The following IGSF9 variants were observed in gnomAD, a reference collection of about 807,000 sequenced individuals.
IGSF9 encodes protein turtle homolog A.
IGSF9 carries 87 observed loss-of-function variants against 121.7 expected under a neutral mutation model. That is an observed-to-expected ratio of 0.71 (90% CI 0.60 to 0.85). IGSF9 has a LOEUF of 0.85. IGSF9 is among the 40% of genes least tolerant of loss of function. IGSF9 has a pLI of 0.00. For synonymous variants in IGSF9, 640 were observed against 648.4 expected, an observed-to-expected ratio of 0.99 and a Z score of 0.20; for missense variants, 1,462 against 1,565.3, an observed-to-expected ratio of 0.93 and a Z score of 1.11.
rs1650818263 is a variant in IGSF9 at position 159,928,241 on chromosome 1, G to A, written c.3147C>T (p.Ser1049=). 6.2e-7 allele frequency: 1 copy of A among 1,613,178 alleles called. No homozygotes were observed. Among genetic ancestry groups the A allele is most frequent in the Non-Finnish European group, 8.5e-7 (1 of 1,179,906 alleles). ...AGCTGCTGGTGTCTCCTGGAGCAGG[G>A]CTGAGGTAGCTGCCTCCTGCAGAGG... ...TAPSAGGSYL[S]PAPGDTSSWA... The change falls in exon 19 of 21, where the codon AGC becomes AGT. Residue 1049 remains serine, a synonymous_variant. Transcript: ENST00000368094.
chr1:159,936,550 C>T (rs202062910), intron 5 of IGSF9, 34 bp from the exon 6 acceptor site: 64 of 1,597,734 alleles, frequency 4.0e-5, no homozygotes, highest in Non-Finnish European at 4.1e-5. Flanking sequence ...GAGTCCTTTC[C>T]CCTGCCAGCC....
rs1239637820 is a variant in IGSF9 at position 159,928,256 on chromosome 1, T to A, written c.3132A>T (p.Gly1044=). 2.5e-6 allele frequency: 4 copies of A among 1,613,182 alleles called. No individual in the cohort carries two copies. Among genetic ancestry groups the A allele is most frequent in the Non-Finnish European group, 3.4e-6 (4 of 1,179,876 alleles). Residue 1044 remains glycine (G), a synonymous_variant, in exon 19 of 21, where the codon GGA becomes GGT. Coordinates refer to ENST00000368094, the MANE Select transcript of IGSF9 (RefSeq NM_001135050.2). Reference sequence around the variant, plus strand: ...CTGGAGCAGGGCTGAGGTAGCTGCCTCCTGCAGAGGGGGCTGTGGAGGGGG... The same window carrying A: ...CTGGAGCAGGGCTGAGGTAGCTGCCACCTGCAGAGGGGGCTGTGGAGGGGG... ...LRPPSTAPSA[G]GSYLSPAPGD... is the part of the protein sequence containing the mutation.
chr1:159,932,627 T>C lies in IGSF9; in HGVS notation c.1130A>G (p.Glu377Gly). 1.2e-6 allele frequency: 2 copies of C among 1,613,316 alleles called. No homozygotes were observed. The highest frequency in any genetic ancestry group is 1.7e-6 in the Non-Finnish European group (2 of 1,179,458). ...DKFPGWSQGT[E>G]GSLIIALGNE... ...CCCCAGGGCGATGATCAGTGAGCCT[T>C]CTGTGCCCTGGGACCAGCCAGGGAA... The change falls in exon 10 of 21, where the codon GAA becomes GGA. Residue 377 changes from glutamate to glycine, a missense_variant. Glu to Gly is a moderately conservative substitution (Grantham distance 98). Around this residue, in one of 3 missense-constraint regions of IGSF9, gnomAD observed 558 missense variants for 599.4 expected, o/e 0.93. Coordinates refer to ENST00000368094, the MANE Select transcript of IGSF9 (RefSeq NM_001135050.2). The surrounding 1 kb of genome is among the most constrained non-coding windows in gnomAD (Gnocchi z 4.1).
chr1:159,936,504 T>C lies in IGSF9; in HGVS notation c.568A>G (p.Thr190Ala). 1 of 1,613,930 alleles carries C rather than the reference T, an allele frequency of 6.2e-7. No homozygotes were observed. Among genetic ancestry groups the C allele is most frequent in the Non-Finnish European group, 8.5e-7 (1 of 1,179,940 alleles). ...GQGQVQVQNGTLRIRRVERGS... is the reference protein window; with the variant it reads ...GQGQVQVQNGALRIRRVERGS... ...CGCTCTACCCGGCGGATCCGCAGCG[T>C]CCCGTTCTGCACCTAGGGAAGGAGT... The change falls in exon 6 of 21, where the codon ACG becomes GCG. Residue 190 changes from threonine to alanine, a missense_variant. By Grantham distance (58) the Thr-to-Ala change is moderately conservative. This residue lies in a region of IGSF9 where 558 missense variants were observed against 599.4 expected (regional missense o/e 0.93). Transcript: ENST00000368094.
In IGSF9 at chr1:159,927,095, CACAG is replaced by C. The variant is rs1290399767; in HGVS notation, c.*246_*249del. 0.014 allele frequency: 6,331 copies of C among 442,724 alleles called. 12 individuals are homozygous for C. The highest frequency in any genetic ancestry group is 0.02 in the East Asian group (429 of 21,958). The allele number at this position is 442,724 out of a possible 1,614,324, so 27.4% of individuals were successfully genotyped here. ...AAAACTTCACACACACACACACACA[CACAG>C]AGAGAGAGAGAGAGAGAGAGAGAGA... On this transcript the variant is annotated 3_prime_UTR_variant, in exon 21 of 21. Coordinates refer to ENST00000368094, the MANE Select transcript of IGSF9 (RefSeq NM_001135050.2).
chr1:159,930,742 T>C lies in IGSF9; in HGVS notation c.1763A>G (p.Asn588Ser), dbSNP rs1441599281. The C allele has an allele frequency of 1.9e-6, 3 of 1,614,136 alleles. 1 individual carries two copies. The South Asian group carries it at 3.3e-5, about 18-fold the overall frequency. Residue 588 changes from asparagine (N) to serine (S), a missense_variant, in exon 14 of 21, where the codon AAC becomes AGC. Asn to Ser is a conservative substitution (Grantham distance 46). Coordinates refer to ENST00000368094, the MANE Select transcript of IGSF9 (RefSeq NM_001135050.2). ...GCTGAAGGGACCACTCCCCAGCTTGTTCTGAGCTAGCACGCTGAACTGGTA... is the reference window on the plus strand; with the variant it reads ...GCTGAAGGGACCACTCCCCAGCTTGCTCTGAGCTAGCACGCTGAACTGGTA... ...TQYQFSVLAQ[N>S]KLGSGPFSEI...
At position 159,931,313 on chromosome 1, in the gene IGSF9, G is replaced by A; in HGVS notation, c.1514-52C>T. 1 of 1,610,432 alleles carries A rather than the reference G, an allele frequency of 6.2e-7. No individual in the cohort carries two copies. The highest frequency in any genetic ancestry group is 2.2e-5 in the East Asian group (1 of 44,780). On this transcript the variant is annotated intron_variant, in intron 12 of 20. Coordinates refer to ENST00000368094, the MANE Select transcript of IGSF9 (RefSeq NM_001135050.2). This position sits in a 1 kb window ranked among gnomAD's most constrained non-coding sequence, Gnocchi z 4.8. Reference sequence around the variant, plus strand: ...TGGTCAGGGCCTGAGGGAGTGTACAGAGTAGCAGGGGCCCCAGGGCCACTG... The same window carrying A: ...TGGTCAGGGCCTGAGGGAGTGTACAAAGTAGCAGGGGCCCCAGGGCCACTG...
Position 159,937,825 on chromosome 1 carries a change from C to T in IGSF9, c.261G>A (p.Leu87=), listed in dbSNP as rs1269219820. 2 of 1,613,860 alleles carry T rather than the reference C, an allele frequency of 1.2e-6. No homozygotes were observed. The highest frequency in any genetic ancestry group is 1.7e-6 in the Non-Finnish European group (2 of 1,179,848). Residue 87 remains leucine (L), a synonymous_variant, in exon 4 of 21, where the codon CTG becomes CTA. Transcript: ENST00000368094. ...CAATCTGGAGAGAGGCCCCCTTCTGCAGCCGGACTCGTCCTGGGGGAGGAG... is the reference window on the plus strand; with the variant it reads ...CAATCTGGAGAGAGGCCCCCTTCTGTAGCCGGACTCGTCCTGGGGGAGGAG... ...IDPDYVGRVR[L]QKGASLQIEG... is the part of the protein sequence containing the mutation.
In IGSF9 at chr1:159,927,277, A is replaced by G; in HGVS notation, c.*68T>C. 6.3e-7 allele frequency: 1 copy of G among 1,585,062 alleles called. No homozygotes were observed. The highest frequency in any genetic ancestry group is 8.6e-7 in the Non-Finnish European group (1 of 1,156,644). ...AGGGGCAGTGCCCTCGTTTGAAACT[A>G]GGTCTGTCTGGTTGGGGGCCTCCTT... On this transcript the variant is annotated 3_prime_UTR_variant, in exon 21 of 21. Transcript: ENST00000368094.
chr1:159,927,860 A>T lies in IGSF9; in HGVS notation c.3258T>A (p.Tyr1086Ter), dbSNP rs1197157994. The stretch of plus-strand genomic sequence containing the variant: ...CCCCAGGGAATTCTGAGTCCCACTC[A>T]TAGTTCTCGTCCACAGATGTGTTCC... ...KRRNTSVDEN[Y>*]EWDSEFPGDM... Residue 1086 changes from tyrosine (Y) to a stop codon, truncating the protein, a stop_gained, in exon 20 of 21, where the codon TAT becomes TAA. Coordinates refer to ENST00000368094, the MANE Select transcript of IGSF9 (RefSeq NM_001135050.2). LOFTEE classifies it high-confidence loss of function. 8.1e-6 allele frequency: 13 copies of T among 1,612,280 alleles called. No individual in the cohort carries two copies. The East Asian group carries it at 2.7e-4, about 33-fold the overall frequency.
chr1:159,936,619 CAAACA>C, intron 5 of IGSF9, 103 bp from the exon 6 acceptor site: 1 of 1,518,456 alleles, frequency 6.6e-7, no homozygotes. Flanking sequence ...AGGCTCGGGG[CAAACA>C]ATGCCAAGCC....
intron 3 of IGSF9, 145 bp downstream of exon 3, chr1:159,942,818 T>C: frequency 4.6e-6 from 3 of 646,932 alleles, no homozygotes. Context: ...AGCACAGCCA[T>C]GCTTATTAAG....
chr1:159,943,759 G>A (rs562630020), intron 1 of IGSF9, 131 bp from the exon 2 acceptor site: 107 of 342,102 alleles, frequency 3.1e-4, no homozygotes, highest in African/African-American at 2.0e-3. Context: ...TAGGGGGAAG[G>A]GGGGGATCTT....
At position 159,928,923 on chromosome 1, in the gene IGSF9, T is replaced by TC; in HGVS notation, c.2464dup (p.Asp822GlyfsTer15). ...GTGGGGGCTGGGAGTTCCGGCAGGA[T>TC]CCCCCCAGAGCAGACTCTGGCGCAG... On this transcript the variant is annotated frameshift_variant, in exon 19 of 21. Coordinates refer to ENST00000368094, the MANE Select transcript of IGSF9 (RefSeq NM_001135050.2). LOFTEE classifies it high-confidence loss of function. 6.3e-7 allele frequency: 1 copy of TC among 1,584,252 alleles called. No homozygotes were observed. The highest frequency in any genetic ancestry group is 8.6e-7 in the Non-Finnish European group (1 of 1,166,680).
In IGSF9 at chr1:159,934,598, T is replaced by C. The variant is rs746445139; in HGVS notation, c.816-28A>G. The C allele has an allele frequency of 5.0e-6, 8 of 1,613,144 alleles. No homozygotes were observed. In the South Asian group the frequency reaches 8.8e-5, roughly 18 times the overall value. ...GCAATGTGGCATGTGTGAGGAGGGG[T>C]CCAGGCCTTGCCCAGCCAAGCGGCT... On this transcript the variant is annotated intron_variant, in intron 7 of 20. Coordinates refer to ENST00000368094, the MANE Select transcript of IGSF9 (RefSeq NM_001135050.2).
In IGSF9 at chr1:159,936,802, C is replaced by T. The variant is rs774526159; in HGVS notation, c.507G>A (p.Thr169=). The T allele has an allele frequency of 5.0e-6, 8 of 1,614,088 alleles. No individual in the cohort carries two copies. Among genetic ancestry groups the T allele is most frequent in the East Asian group, 4.5e-5 (2 of 44,886 alleles). Residue 169 remains threonine (T), a synonymous_variant, in exon 5 of 21, where the codon ACG becomes ACA. Coordinates refer to ENST00000368094, the MANE Select transcript of IGSF9 (RefSeq NM_001135050.2). ...VARGSPLPHV[T]WKLRGKDLGQ... ...CAAGGTCCTTTCCTCGGAGCTTCCACGTCACATGAGGCAGGGGGCTGCCAC... is the reference window on the plus strand; with the variant it reads ...CAAGGTCCTTTCCTCGGAGCTTCCATGTCACATGAGGCAGGGGGCTGCCAC...
Position 159,928,994 on chromosome 1 carries a change from A to G in IGSF9, c.2394T>C (p.Pro798=). 1 of 1,520,370 alleles carries G rather than the reference A, an allele frequency of 6.6e-7. No individual in the cohort carries two copies. The highest frequency in any genetic ancestry group is 8.8e-7 in the Non-Finnish European group (1 of 1,135,568). 94.2% of individuals were successfully genotyped at this position (1,520,370 alleles called of 1,614,324 possible). The change falls in exon 19 of 21, where the codon CCT becomes CCC. Residue 798 remains proline (P), a synonymous_variant. Coordinates refer to ENST00000368094, the MANE Select transcript of IGSF9 (RefSeq NM_001135050.2). ...GGAGCTTCAGCTTCGCCACGCTGTCAGGACTGCCTGAGCCCAGAGCAGAGC... is the reference window on the plus strand; with the variant it reads ...GGAGCTTCAGCTTCGCCACGCTGTCGGGACTGCCTGAGCCCAGAGCAGAGC... ...AAPSALGSGS[P]DSVAKLKLQG...
rs1008736075 is a variant in IGSF9, at chr1:159,930,173, C to G, written c.2064+16G>C. ...GCCCCTAGGAGGCCTCTCTCTGTAT[C>G]GCCTTTCGCACATACCTTGATGAGG... is the stretch of plus-strand genomic sequence containing the variant. On this transcript the variant is annotated intron_variant, in intron 15 of 20. Transcript: ENST00000368094. 2 of 1,587,514 alleles carry G rather than the reference C, an allele frequency of 1.3e-6. No individual in the cohort carries two copies. The highest frequency in any genetic ancestry group is 2.7e-5 in the African/African-American group (2 of 74,010).
chr1:159,932,419 T>C lies in IGSF9; in HGVS notation c.1245+93A>G. 1 of 1,017,718 alleles carries C rather than the reference T, an allele frequency of 9.8e-7. No individual in the cohort carries two copies. Among genetic ancestry groups the C allele is most frequent in the Admixed American group, 2.0e-5 (1 of 49,758 alleles). The allele number at this position is 1,017,718 out of a possible 1,614,324, so 63.0% of individuals were successfully genotyped here. ...ACTTGGAAACCCCTCCCCATGTGTC[T>C]GCCCCACCCCACCCCCATCAGCCTG... On this transcript the variant is annotated intron_variant, in intron 10 of 20. Transcript: ENST00000368094. The surrounding 1 kb of genome is among the most constrained non-coding windows in gnomAD (Gnocchi z 4.1).
Sources: allele counts gnomAD v4.1 joint callset, GRCh38; gene constraint gnomAD v4.1.1; regional missense constraint gnomAD v4.1.1; non-coding constraint Gnocchi (gnomAD v3.1); transcripts MANE v1.5; gene names NCBI Gene and HGNC (gene_info 2026-07-23, HGNC 2026-07-21).